Variants in UGT1A5 observed in about 807,000 individuals in gnomAD.
UGT1A5 encodes the protein UDP-glucuronosyltransferase 1A5.
UGT1A5 carries 29 observed loss-of-function variants against 40.3 expected under a neutral mutation model. That is an observed-to-expected ratio of 0.72 (90% CI 0.54 to 0.98). UGT1A5 has a LOEUF of 0.98. UGT1A5 is among the 50% of genes least tolerant of loss of function. The pLI, the probability that UGT1A5 is intolerant of heterozygous loss-of-function variation, is 0.00. For missense variants in UGT1A5, 678 were observed against 677.9 expected (o/e 1.00, Z 0.00); for synonymous variants, 257 against 262.5 (o/e 0.98, Z 0.20).
chr2:233,732,689 A>G (rs539580267), intron 1 of UGT1A5, among the ~76,000 whole-genome samples: 1 of 150,444 alleles, frequency 6.6e-6, no homozygotes, highest in African/African-American at 2.4e-5. Context: ...ACCAGCACCC[A>G]TGCTGTTTTG....
intron 1 of UGT1A5, among the ~76,000 whole-genome samples, chr2:233,734,301 T>TATATACGTATAAATACG (rs2078508917): frequency 6.6e-6 from 1 of 152,170 alleles, no homozygotes; most frequent in Non-Finnish European, 1.5e-5. Context: ...GATTTTCTAG[T>TATATACGTATAAATACG]TTATTTGTGT....
At chr2:233,747,803 A>G in intron 1 of UGT1A5, 1 of 1,613,426 alleles carries the variant, frequency 6.2e-7, no homozygotes, top group African/African-American at 1.3e-5. Context: ...TTCCTAAGTT[A>G]CTAACGACCA....
At chr2:233,720,103 C>T (rs2076831013) in intron 1 of UGT1A5, among the ~76,000 whole-genome samples, 1 of 152,162 alleles carries the variant, frequency 6.6e-6, no homozygotes, top group African/African-American at 2.4e-5. Flanking sequence ...GTGGTCCCAT[C>T]TTGCGAAAGA....
intron 1 of UGT1A5, among the ~76,000 whole-genome samples, chr2:233,740,427 G>A (rs1010864100): frequency 1.4e-4 from 22 of 151,978 alleles, no homozygotes; most frequent in Admixed American, 1.4e-3. Flanking sequence ...CCTGTTTGGA[G>A]ACAGAAAGTG....
rs1377722142 is a variant in UGT1A5 at position 233,725,198 on chromosome 2, AGAGGCAGAGGCAGAGGCAGAG to A, written c.867+11357_867+11377del. Reference sequence around the variant, plus strand: ...CGTGGGGAGAGGCAGAGGCAGAGGCAGAGGCAGAGGCAGAGGCAGAGGAGGCAGAGGCAGAGGAGGCAGAGG... The same window carrying A: ...CGTGGGGAGAGGCAGAGGCAGAGGCAGAGGCAGAGGCAGAGGAGGCAGAGG... On this transcript the variant is annotated intron_variant, in intron 1 of 4. Coordinates refer to ENST00000373414, the MANE Select transcript of UGT1A5 (RefSeq NM_019078.2). 4.5e-3 allele frequency among the ~76,000 whole-genome samples: 386 copies of A among 86,592 alleles called. 89 individuals carry two copies. Among genetic ancestry groups the A allele is most frequent in the African/African-American group, 0.033 (341 of 10,250 alleles). The allele number at this position is 86,592 out of a possible 152,430, so 56.8% of individuals were successfully genotyped here. A position where few individuals can be genotyped will look rare whatever the true frequency, so the allele number is the denominator to read the frequency against.
Position 233,729,631 on chromosome 2 carries a change from A to G in UGT1A5, c.867+15773A>G, listed in dbSNP as rs141036072. The stretch of plus-strand genomic sequence containing the variant: ...GCTGGCTAAGTACCTGTCGATTCCT[A>G]CTGTGTTTTTTTTGAGGAACATTCC... On this transcript the variant is annotated intron_variant, in intron 1 of 4. Coordinates refer to ENST00000373414, the MANE Select transcript of UGT1A5 (RefSeq NM_019078.2). 1,000 of 1,613,764 alleles carry G rather than the reference A, an allele frequency of 6.2e-4. 4 individuals are homozygous for G. The highest frequency in any genetic ancestry group is 6.0e-4 in the Non-Finnish European group (708 of 1,179,854).
intron 1 of UGT1A5, among the ~76,000 whole-genome samples, chr2:233,746,480 C>A (rs1693404181): frequency 1.3e-5 from 2 of 151,692 alleles, no homozygotes; most frequent in Admixed American, 6.5e-5. Context: ...AAACACTTTC[C>A]ATGGACATGT....
chr2:233,757,535 A>AATATATATATATATATATATATATAT (rs67292694), intron 1 of UGT1A5, among the ~76,000 whole-genome samples: 77 of 88,242 alleles, frequency 8.7e-4, no homozygotes, highest in East Asian at 3.1e-3. Context: ...GCCTGTAAGG[A>AATATATATATATATATATATATATAT]ATATATATAT....
At position 233,772,036 on chromosome 2, in the gene UGT1A5, C is replaced by T. The variant is rs575173136; in HGVS notation, c.1308-226C>T. Among the ~76,000 whole-genome samples, 3 of 152,210 alleles carry T rather than the reference C, an allele frequency of 2.0e-5. No individual in the cohort carries two copies. The East Asian group carries it at 5.8e-4, about 29-fold the overall frequency. Reference sequence around the variant, plus strand: ...GCTGAGGCAGGAGGATGGCTTGAGCCCAGGAGTTGGAGGCTGCAGTTAGCC... The same window carrying T: ...GCTGAGGCAGGAGGATGGCTTGAGCTCAGGAGTTGGAGGCTGCAGTTAGCC... On this transcript the variant is annotated intron_variant, in intron 4 of 4. Transcript: ENST00000373414.
At chr2:233,717,703 G>A in intron 1 of UGT1A5, 1 of 450,788 alleles carries the variant, frequency 2.2e-6, no homozygotes. Context: ...TCTGGAGCAG[G>A]ACGAGCCTCA....
chr2:233,738,647 T>G (rs1690861209), intron 1 of UGT1A5, among the ~76,000 whole-genome samples: 1 of 152,210 alleles, frequency 6.6e-6, no homozygotes, highest in Non-Finnish European at 1.5e-5. Context: ...TAGAGCTCTT[T>G]GGAACTACGA....
Position 233,743,740 on chromosome 2 carries a change from G to C in UGT1A5, c.868-23294G>C, listed in dbSNP as rs370997418. The C allele has an allele frequency of 1.2e-4, 170 of 1,367,378 alleles. 1 individual carries two copies. The highest frequency in any genetic ancestry group is 2.3e-4 in the South Asian group (20 of 88,054). The allele number at this position is 1,367,378 out of a possible 1,614,324, so 84.7% of individuals were successfully genotyped here. ...AGCGGTCATAGATATCGCGTTTCTTGGCGTCCGACAACACCTCGTAGGCCT... is the reference window on the plus strand; with the variant it reads ...AGCGGTCATAGATATCGCGTTTCTTCGCGTCCGACAACACCTCGTAGGCCT... On this transcript the variant is annotated intron_variant, in intron 1 of 4. Coordinates refer to ENST00000373414, the MANE Select transcript of UGT1A5 (RefSeq NM_019078.2).
chr2:233,728,931 T>C (rs569892277), intron 1 of UGT1A5, among the ~76,000 whole-genome samples: 4,920 of 152,288 alleles, frequency 0.032, 257 homozygotes, highest in African/African-American at 0.11. Flanking sequence ...TCATGATCGG[T>C]CTTTTCCAGG....
rs187768174 is a variant in UGT1A5, at chr2:233,743,103, C to T, written c.868-23931C>T. 4.1e-3 allele frequency: 1,437 copies of T among 353,348 alleles called. 18 individuals carry two copies. Among genetic ancestry groups the T allele is most frequent in the South Asian group, 0.019 (861 of 45,444 alleles). 21.9% of individuals were successfully genotyped at this position (353,348 alleles called of 1,614,324 possible). A position where few individuals can be genotyped will look rare whatever the true frequency, so the allele number is the denominator to read the frequency against. ...AGTGTTTATAAATTCTTGGGTACAG[C>T]TGTTCTGAAAGTAAAGTTCACTTTC... On this transcript the variant is annotated intron_variant, in intron 1 of 4. Transcript: ENST00000373414.
In UGT1A5 at chr2:233,713,379, G is replaced by A; in HGVS notation, c.388G>A (p.Glu130Lys). ...TTTGATCATACATAGGTCTTGTGTG[G>A]AGCTACTGCATAATGAGGCCCTGAT... ...MSLIIHRSCV[E>K]LLHNEALIRH... The change falls in exon 1 of 5, where the codon GAG (glutamate) becomes AAG (lysine). Residue 130 changes from glutamate to lysine, a missense_variant. Glu to Lys is a moderately conservative substitution (Grantham distance 56, BLOSUM62 1). Transcript: ENST00000373414. The A allele has an allele frequency of 6.2e-7, 1 of 1,614,156 alleles. No individual in the cohort carries two copies. The highest frequency in any genetic ancestry group is 8.5e-7 in the Non-Finnish European group (1 of 1,180,024).
At chr2:233,759,131 C>G (rs889675688) in intron 1 of UGT1A5, among the ~76,000 whole-genome samples, 5 of 152,174 alleles carry the variant, frequency 3.3e-5, no homozygotes, top group African/African-American at 9.6e-5. Context: ...GCCTCTGGTA[C>G]GCAATGAAGG....
At chr2:233,758,329 G>C (rs544542552) in intron 1 of UGT1A5, among the ~76,000 whole-genome samples, 16 of 152,342 alleles carry the variant, frequency 1.1e-4, no homozygotes, top group Non-Finnish European at 2.1e-4. Context: ...GCCTCAAAAA[G>C]CTTGGAAGCT....
At position 233,769,777 on chromosome 2, in the gene UGT1A5, C is replaced by G. The variant is rs1699936976; in HGVS notation, c.1307+1338C>G. 7.3e-7 allele frequency: 1 copy of G among 1,373,454 alleles called. No homozygotes were observed. The highest frequency in any genetic ancestry group is 2.6e-5 in the East Asian group (1 of 38,744). 85.1% of individuals were successfully genotyped at this position (1,373,454 alleles called of 1,614,324 possible). ...GGCTAAGGCGGGAGGATTGCTTGAG[C>G]CCAGAAGTTGGAGGCTGCTATGAGC... On this transcript the variant is annotated intron_variant, in intron 4 of 4. Coordinates refer to ENST00000373414, the MANE Select transcript of UGT1A5 (RefSeq NM_019078.2). The surrounding 1 kb of genome is among the most constrained non-coding windows in gnomAD (Gnocchi z 4.4).
intron 1 of UGT1A5, among the ~76,000 whole-genome samples, chr2:233,728,564 A>G (rs2077727018): frequency 6.6e-6 from 1 of 152,200 alleles, no homozygotes; most frequent in Non-Finnish European, 1.5e-5. Context: ...TACAAGAAAT[A>G]TCCTGGTGCG....
Sources: allele counts gnomAD v4.1 joint callset (sites outside exome capture counted in the v4.1 genomes callset), GRCh38; gene constraint gnomAD v4.1.1; non-coding constraint Gnocchi (gnomAD v3.1); transcripts MANE v1.5; gene names NCBI Gene and HGNC (gene_info 2026-07-23, HGNC 2026-07-21).